Variants in MACF1 observed in about 807,000 individuals in gnomAD.
The protein encoded by MACF1 is microtubule-actin cross-linking factor 1.
MACF1 carries 193 observed loss-of-function variants against 854.8 expected under a neutral mutation model. That is an observed-to-expected ratio of 0.23 (90% CI 0.20 to 0.25). The LOEUF (loss-of-function observed/expected upper bound fraction) is 0.25. Among genes scored for constraint, MACF1 ranks in the 10% least tolerant of loss-of-function variants. The pLI is 1.00. For missense variants in MACF1, 7,722 were observed against 8,929.1 expected, an observed-to-expected ratio of 0.86 and a Z score of 5.45; for synonymous variants, 3,185 against 3,226.7, an observed-to-expected ratio of 0.99 and a Z score of 0.44.
upstream of MACF1, among the ~76,000 whole-genome samples, chr1:39,202,376 C>T (rs1225903838): frequency 6.6e-6 from 1 of 151,478 alleles, no homozygotes; most frequent in African/African-American, 2.4e-5. Context: ...GTGGCTCACA[C>T]CTGTAATCCC....
At chr1:39,443,324 G>A (rs550175278) in intron 78 of MACF1, 122 bp from the exon 79 acceptor site, 2 of 978,082 alleles carry the variant, frequency 2.0e-6, no homozygotes, top group East Asian at 2.5e-5. Flanking sequence ...CAACAGAACA[G>A]CTTTGCCAGA....
chr1:39,193,095 A>G (rs1453209887), intron 2 of MACF1, among the ~76,000 whole-genome samples: 1 of 152,138 alleles, frequency 6.6e-6, no homozygotes, highest in Non-Finnish European at 1.5e-5. Context: ...CTGGGCAACA[A>G]GAGTGAAATT....
At chr1:39,230,839 CCTGT>C (rs1398905770) in intron 1 of MACF1, among the ~76,000 whole-genome samples, 1 of 152,068 alleles carries the variant, frequency 6.6e-6, no homozygotes, top group Non-Finnish European at 1.5e-5. Flanking sequence ...CCAAGGCCAC[CCTGT>C]CTGTTGGTGG....
chr1:39,319,815 T>A, intron 31 of MACF1, 68 bp downstream of exon 31: 1 of 1,124,282 alleles, frequency 8.9e-7, no homozygotes, highest in Non-Finnish European at 1.3e-6. Context: ...ATCTTCACTG[T>A]AGGTTCTGTT....
At chr1:39,299,677 T>C (rs1646001062) in intron 21 of MACF1, among the ~76,000 whole-genome samples, 1 of 152,200 alleles carries the variant, frequency 6.6e-6, no homozygotes, top group Non-Finnish European at 1.5e-5. Context: ...GCTAAGATCT[T>C]TCTCTAGAAA....
At position 39,098,055 on chromosome 1, in the gene MACF1, C is replaced by G. The variant is rs1571034804; in HGVS notation, c.220+13617C>G. Among the ~76,000 whole-genome samples the G allele has an allele frequency of 2.0e-5, 3 of 152,322 alleles. No individual in the cohort carries two copies. The South Asian group carries it at 6.2e-4, about 32-fold the overall frequency. On this transcript the variant is annotated intron_variant, in intron 2 of 93. Coordinates refer to the MACF1 transcript ENST00000361689. The stretch of plus-strand genomic sequence containing the variant: ...AAGAGTATAGACTGCCTCAGAGGAT[C>G]CACACAGGGTAAGACCCTGTCCTGC...
chr1:39,443,568 A>C lies in MACF1; in HGVS notation c.19425A>C (p.Thr6475=). Residue 6475 remains threonine (T), a synonymous_variant, in exon 79 of 101, where the codon ACA becomes ACC. Coordinates refer to ENST00000564288, the MANE Select transcript of MACF1 (RefSeq NM_001394062.1). The part of the protein sequence containing the change: ...LPETAREQLD[T]HMELYSQLKA... The stretch of plus-strand genomic sequence containing the variant: ...AAACTGCTAGGGAACAGCTTGATAC[A>C]CATATGGTAATAGCAATTTTTTGAA... 1 of 1,594,962 alleles carries C rather than the reference A, an allele frequency of 6.3e-7. No individual in the cohort carries two copies. Among genetic ancestry groups the C allele is most frequent in the Non-Finnish European group, 8.5e-7 (1 of 1,174,890 alleles).
chr1:39,271,469 G>A (rs1010151656), intron 6 of MACF1, among the ~76,000 whole-genome samples: 4 of 152,102 alleles, frequency 2.6e-5, no homozygotes, highest in Admixed American at 6.5e-5. Flanking sequence ...TGATCCAGTC[G>A]TCTCCCACCA....
At chr1:39,472,931 G>A (rs1410550189) in intron 97 of MACF1, among the ~76,000 whole-genome samples, 1 of 152,206 alleles carries the variant, frequency 6.6e-6, no homozygotes, top group Non-Finnish European at 1.5e-5. Flanking sequence ...ACTGTTTACA[G>A]TCTCAGATTG....
chr1:39,292,910 C>A, intron 17 of MACF1, 67 bp downstream of exon 17: 2 of 1,315,624 alleles, frequency 1.5e-6, no homozygotes, highest in Non-Finnish European at 2.1e-6. Flanking sequence ...AACTCTCTTC[C>A]GTAATTCAGA....
intron 49 of MACF1, among the ~76,000 whole-genome samples, chr1:39,362,789 C>T (rs1479536934): frequency 3.3e-5 from 5 of 152,060 alleles, no homozygotes; most frequent in African/African-American, 1.2e-4. Context: ...TGGAGTGTCA[C>T]TACTTTTAGG....
Position 39,324,642 on chromosome 1 carries a change from G to A in MACF1, c.4390-4G>A. The A allele has an allele frequency of 1.9e-6, 3 of 1,608,542 alleles. No individual in the cohort carries two copies. The highest frequency in any genetic ancestry group is 2.6e-6 in the Non-Finnish European group (3 of 1,176,188). ...AGCTTTTTCTCTTTATTTCTACCAT[G>A]TAGGTTCTGTCAGAAGAGCTGACAA... is the stretch of plus-strand genomic sequence containing the variant. On this transcript the variant is annotated splice_region_variant and splice_polypyrimidine_tract_variant and intron_variant, in intron 34 of 100. Coordinates refer to ENST00000564288, the MANE Select transcript of MACF1 (RefSeq NM_001394062.1).
intron 2 of MACF1, among the ~76,000 whole-genome samples, chr1:39,091,617 T>C (rs1641807805): frequency 6.6e-6 from 1 of 152,080 alleles, no homozygotes; most frequent in Non-Finnish European, 1.5e-5. Context: ...TGCCTCAGCC[T>C]CTGGAGTAGC....
chr1:39,323,469 A>G (rs1646550392), intron 33 of MACF1, among the ~76,000 whole-genome samples: 1 of 150,832 alleles, frequency 6.6e-6, no homozygotes, highest in African/African-American at 2.4e-5. Flanking sequence ...TATATAATAT[A>G]TATTTTATTT....
intron 2 of MACF1, among the ~76,000 whole-genome samples, chr1:39,089,007 CT>C (rs1641742159): frequency 6.6e-6 from 1 of 152,288 alleles, no homozygotes; most frequent in African/African-American, 2.4e-5. Context: ...CCTCCCTGTC[CT>C]TGGCATTGAT....
At chr1:39,395,619 C>G (rs1207257796) in intron 58 of MACF1, among the ~76,000 whole-genome samples, 1 of 152,140 alleles carries the variant, frequency 6.6e-6, no homozygotes, top group Non-Finnish European at 1.5e-5. Flanking sequence ...TTGTTCTGTG[C>G]CTTTAAGGGG....
At chr1:39,304,206 C>CG (rs1483344898) in intron 23 of MACF1, 5 of 160,762 alleles carry the variant, frequency 3.1e-5, no homozygotes, top group Non-Finnish European at 6.4e-5. Flanking sequence ...CAACAGGCCC[C>CG]GGTGTGTGAT....
chr1:39,378,842 G>A (rs952585820), intron 53 of MACF1, among the ~76,000 whole-genome samples: 21 of 152,290 alleles, frequency 1.4e-4, no homozygotes, highest in Admixed American at 1.2e-3. Flanking sequence ...CTAGCTCTCA[G>A]CCTCCCAGCT....
At chr1:39,429,469 C>T (rs1643830462) in intron 64 of MACF1, 143 bp downstream of exon 64, 1 of 597,634 alleles carries the variant, frequency 1.7e-6, no homozygotes, top group Non-Finnish European at 3.0e-6. Flanking sequence ...CTACTGTGCT[C>T]CAGAAGGTTG....
Sources: allele counts gnomAD v4.1 joint callset (sites outside exome capture counted in the v4.1 genomes callset), GRCh38; gene constraint gnomAD v4.1.1; transcripts MANE v1.5; gene names NCBI Gene and HGNC (gene_info 2026-07-23, HGNC 2026-07-21).